The following RASGEF1C variants were observed in gnomAD, a reference collection of about 807,000 sequenced individuals.
RASGEF1C encodes RasGEF domain family member 1C.
In RASGEF1C, 27 loss-of-function variants were observed where a neutral mutation model predicts 58.1. That is an observed-to-expected ratio of 0.46 (90% CI 0.34 to 0.64). The LOEUF (loss-of-function observed/expected upper bound fraction) is 0.64. RASGEF1C is among the 30% of genes least tolerant of loss of function. The pLI is 0.01. For synonymous variants in RASGEF1C, 243 were observed against 246.3 expected (o/e 0.99, Z 0.13); for missense variants, 502 against 605.1 (o/e 0.83, Z 1.79).
chr5:180,138,165 C>A (rs911742306), intron 1 of RASGEF1C, 107 bp from the exon 2 acceptor site: 2 of 635,228 alleles, frequency 3.1e-6, no homozygotes, highest in South Asian at 2.3e-5. Context: ...AGGCTCCCCC[C>A]ACAGCCACTT....
intron 7 of RASGEF1C, among the ~76,000 whole-genome samples, chr5:180,120,427 C>G (rs1339793319): frequency 6.6e-6 from 1 of 152,210 alleles, no homozygotes; most frequent in Non-Finnish European, 1.5e-5. Flanking sequence ...TCAGCACCTG[C>G]TGCGGAGAGC....
chr5:180,141,325 A>G (rs567329565), intron 1 of RASGEF1C, among the ~76,000 whole-genome samples: 4 of 152,382 alleles, frequency 2.6e-5, no homozygotes, highest in Admixed American at 6.5e-5. Context: ...CCAAGCGTCC[A>G]TCAGTGACGA....
At chr5:180,196,729 A>G (rs981032803) in intron 1 of RASGEF1C, among the ~76,000 whole-genome samples, 3 of 152,082 alleles carry the variant, frequency 2.0e-5, no homozygotes, top group Non-Finnish European at 2.9e-5. Context: ...GATGTTGATC[A>G]TTTGTGCTTT....
chr5:180,190,363 G>A lies in RASGEF1C; in HGVS notation c.-7+18665C>T, dbSNP rs182601703. Among the ~76,000 whole-genome samples, 1,382 of 151,572 alleles carry A rather than the reference G, an allele frequency of 9.1e-3. 17 individuals carry two copies. The highest frequency in any genetic ancestry group is 0.029 in the African/African-American group (1,184 of 41,314). On this transcript the variant is annotated intron_variant, in intron 1 of 13. Coordinates refer to ENST00000361132, the MANE Select transcript of RASGEF1C (RefSeq NM_175062.4). ...AAATTAGCCGGGCGTGGTGGCGGGC[G>A]CCTGTAGTCCCAGCTACTCGGGAGG...
intron 1 of RASGEF1C, among the ~76,000 whole-genome samples, chr5:180,176,451 G>A (rs72823706): frequency 0.031 from 4,761 of 152,256 alleles, 127 homozygotes; most frequent in Non-Finnish European, 0.044. Context: ...GCCATCCATC[G>A]CACCCTCCTG....
Position 180,197,017 on chromosome 5 carries a change from C to T in RASGEF1C, c.-7+12011G>A, listed in dbSNP as rs946776866. Among the ~76,000 whole-genome samples the T allele has an allele frequency of 6.6e-6, 1 of 152,206 alleles. No homozygotes were observed. The highest frequency in any genetic ancestry group is 1.5e-5 in the Non-Finnish European group (1 of 68,032). On this transcript the variant is annotated intron_variant, in intron 1 of 13. Coordinates refer to ENST00000361132, the MANE Select transcript of RASGEF1C (RefSeq NM_175062.4). The surrounding 1 kb of genome is among the most constrained non-coding windows in gnomAD (Gnocchi z 4.7). ...CCAGAATGTGGAGCTGGGTGTGCTG[C>T]CCGAGGCTGGCGTCGGTGAGGCTCC...
At position 180,115,289 on chromosome 5, in the gene RASGEF1C, T is replaced by A. The variant is rs756296101; in HGVS notation, c.1084-748A>T. 817 of 396,278 alleles carry A rather than the reference T, an allele frequency of 2.1e-3. 1 individual carries two copies. Among genetic ancestry groups the A allele is most frequent in the Non-Finnish European group, 2.7e-3 (538 of 202,766 alleles). The allele number at this position is 396,278 out of a possible 1,614,324, so 24.5% of individuals were successfully genotyped here. A position where few individuals can be genotyped will look rare whatever the true frequency, so the allele number is the denominator to read the frequency against. On this transcript the variant is annotated intron_variant, in intron 10 of 13. Transcript: ENST00000361132. ...TCGGCCTCCCAAGGTGGCCTCCTTT[T>A]TAAAAAAAAAAAAAAAAATTTAACA...
At position 180,158,409 on chromosome 5, in the gene RASGEF1C, G is replaced by A. The variant is rs766879698; in HGVS notation, c.-6-20351C>T. Among the ~76,000 whole-genome samples, 8 of 152,126 alleles carry A rather than the reference G, an allele frequency of 5.3e-5. No individual in the cohort carries two copies. Among genetic ancestry groups the A allele is most frequent in the Non-Finnish European group, 1.0e-4 (7 of 68,010 alleles). On this transcript the variant is annotated intron_variant, in intron 1 of 13. Coordinates refer to ENST00000361132, the MANE Select transcript of RASGEF1C (RefSeq NM_175062.4). The surrounding 1 kb of genome is among the most constrained non-coding windows in gnomAD (Gnocchi z 4.0). ...GAGAAGAGGTGCTTAGGAAGTAAAT[G>A]TTTAAGATCTCACATGCCTGTAAAC...
chr5:180,140,479 G>A (rs576570976), intron 1 of RASGEF1C, among the ~76,000 whole-genome samples: 4 of 152,314 alleles, frequency 2.6e-5, no homozygotes, highest in Admixed American at 2.0e-4. Flanking sequence ...ACTGCCCCAC[G>A]GGAGGCGTGC....
intron 13 of RASGEF1C, 65 bp downstream of exon 13, chr5:180,102,006 A>G (rs1765794978): frequency 1.2e-6 from 1 of 824,170 alleles, no homozygotes; most frequent in African/African-American, 1.6e-5. Context: ...CCTCGGCGCG[A>G]AGACTCACCT....
chr5:180,173,890 G>GGGA (rs1767164287), intron 1 of RASGEF1C, among the ~76,000 whole-genome samples: 1 of 140,656 alleles, frequency 7.1e-6, no homozygotes, highest in Non-Finnish European at 1.5e-5. Context: ...TCCAGCCTGG[G>GGGA]CAACAGAGCG....
intron 1 of RASGEF1C, among the ~76,000 whole-genome samples, chr5:180,161,940 C>T (rs1253988865): frequency 2.0e-5 from 3 of 152,258 alleles, no homozygotes; most frequent in African/African-American, 7.2e-5. Context: ...GTCTCCATAC[C>T]CATGGCAGTG....
Position 180,152,724 on chromosome 5 carries a change from A to G in RASGEF1C, c.-6-14666T>C, listed in dbSNP as rs535723918. ...AACTTAAAGTATAATTAAAAAAAAA[A>G]AAAGAAAGAAAACCTGTCTCTACTA... On this transcript the variant is annotated intron_variant, in intron 1 of 13. Coordinates refer to ENST00000361132, the MANE Select transcript of RASGEF1C (RefSeq NM_175062.4). Among the ~76,000 whole-genome samples the G allele has an allele frequency of 3.9e-5, 6 of 151,918 alleles. No homozygotes were observed. The East Asian group carries it at 7.8e-4, about 20-fold the overall frequency.
At chr5:180,169,871 C>G (rs1216929232) in intron 1 of RASGEF1C, among the ~76,000 whole-genome samples, 1 of 143,012 alleles carries the variant, frequency 7.0e-6, no homozygotes, top group Non-Finnish European at 1.5e-5. Flanking sequence ...GGCTGCCTTC[C>G]CGCCCTGGGG....
intron 1 of RASGEF1C, among the ~76,000 whole-genome samples, chr5:180,167,027 A>G (rs1054610190): frequency 6.6e-6 from 1 of 152,138 alleles, no homozygotes; most frequent in African/African-American, 2.4e-5. Flanking sequence ...ATTATGTTGT[A>G]TCTGGGCATG....
At chr5:180,138,267 C>G (rs1766521589) in intron 1 of RASGEF1C, 1 of 430,194 alleles carries the variant, frequency 2.3e-6, no homozygotes, top group Non-Finnish European at 4.1e-6. Context: ...TTCTCATGGC[C>G]TCTCAACTCT....
chr5:180,166,234 C>T (rs1470580368), intron 1 of RASGEF1C, among the ~76,000 whole-genome samples: 2 of 152,176 alleles, frequency 1.3e-5, no homozygotes, highest in Admixed American at 6.5e-5. Flanking sequence ...GGTCTGCATA[C>T]ATTGAAAATG....
At chr5:180,205,538 G>A (rs1015373467) in intron 1 of RASGEF1C, among the ~76,000 whole-genome samples, 3 of 151,988 alleles carry the variant, frequency 2.0e-5, no homozygotes, top group South Asian at 2.1e-4. Context: ...AACTTAATAC[G>A]CTCTCCTTCC....
At chr5:180,101,690 T>A (rs913409756) in intron 13 of RASGEF1C, among the ~76,000 whole-genome samples, 165 bp from the exon 14 acceptor site, 1 of 152,210 alleles carries the variant, frequency 6.6e-6, no homozygotes, top group East Asian at 1.9e-4. Context: ...AGTCCATTGC[T>A]ATGGATCATT....
Sources: gnomAD v4.1 joint callset for allele counts (sites outside exome capture counted in the v4.1 genomes callset) on GRCh38, gnomAD v4.1.1 for gene constraint, Gnocchi (gnomAD v3.1) non-coding constraint, MANE v1.5 for transcripts, NCBI Gene and HGNC (gene_info 2026-07-23, HGNC 2026-07-21) for gene names.